The following ALDH1A2 variants were observed in gnomAD, a reference collection of about 807,000 sequenced individuals.
ALDH1A2 encodes aldehyde dehydrogenase 1 family member A2.
In ALDH1A2, 27 loss-of-function variants were observed where a neutral mutation model predicts 60.3. That is an observed-to-expected ratio of 0.45 (90% confidence interval 0.33 to 0.62). The LOEUF is 0.62. ALDH1A2 is among the 20% of genes least tolerant of loss of function. ALDH1A2 has a pLI of 0.02. For missense variants in ALDH1A2, 581 were observed against 643.8 expected (o/e 0.90, Z 1.06); for synonymous variants, 289 against 232.4 (o/e 1.24, Z -2.21).
At chr15:58,042,753 C>T (rs1260461473) in intron 1 of ALDH1A2, among the ~76,000 whole-genome samples, 1 of 151,844 alleles carries the variant, frequency 6.6e-6, no homozygotes, top group Non-Finnish European at 1.5e-5. Context: ...AGACTATGGA[C>T]GTATTTACTA....
intron 1 of ALDH1A2, among the ~76,000 whole-genome samples, chr15:58,059,730 CT>C (rs1202939579): frequency 1.4e-4 from 22 of 151,982 alleles, no homozygotes; most frequent in African/African-American, 5.1e-4. Context: ...GCTTTAGTAA[CT>C]TTTTTAGTAA....
At position 57,992,709 on chromosome 15, in the gene ALDH1A2, G is replaced by T; in HGVS notation, c.794C>A (p.Thr265Asn). The T allele has an allele frequency of 6.2e-7, 1 of 1,613,936 alleles. No homozygotes were observed. Among genetic ancestry groups the T allele is most frequent in the Non-Finnish European group, 8.5e-7 (1 of 1,179,846 alleles). The change falls in exon 7 of 13, where the codon ACT (threonine) becomes AAT (asparagine). Residue 265 changes from threonine (T) to asparagine (N), a missense_variant. Around this residue, in one of 2 missense-constraint regions of ALDH1A2, gnomAD observed 375 missense variants for 469.7 expected, o/e 0.80. Transcript: ENST00000249750. ...GIDKIAFTGS[T>N]EVGKLIQEAA... ...CCTGGTTTTTCAGATACCTACCTCAGTAGACCCTGTGAATGCAATCTTGTC... is the reference window on the plus strand; with the variant it reads ...CCTGGTTTTTCAGATACCTACCTCATTAGACCCTGTGAATGCAATCTTGTC...
chr15:58,022,908 A>G (rs1895971118), intron 1 of ALDH1A2, among the ~76,000 whole-genome samples: 1 of 152,222 alleles, frequency 6.6e-6, no homozygotes, highest in Non-Finnish European at 1.5e-5. Context: ...CAACTGTTAT[A>G]CCAGATGTGC....
At chr15:58,029,035 C>A (rs1424604124) in intron 1 of ALDH1A2, among the ~76,000 whole-genome samples, 1 of 152,140 alleles carries the variant, frequency 6.6e-6, no homozygotes, top group Non-Finnish European at 1.5e-5. Context: ...GAACTCAGCA[C>A]TGAACCAAGT....
chr15:57,975,832 G>A (rs112277653), intron 7 of ALDH1A2, among the ~76,000 whole-genome samples: 1 of 151,996 alleles, frequency 6.6e-6, no homozygotes, highest in African/African-American at 2.4e-5. Context: ...GGTGGAGAGA[G>A]AGATAAGACA....
intron 4 of ALDH1A2, among the ~76,000 whole-genome samples, chr15:58,004,350 G>C (rs1254692338): frequency 6.6e-6 from 1 of 151,738 alleles, no homozygotes; most frequent in East Asian, 1.9e-4. Flanking sequence ...AGATTCAACG[G>C]GTTTATGTGC....
chr15:58,042,456 T>C (rs1162549138), intron 1 of ALDH1A2, among the ~76,000 whole-genome samples: 2 of 151,966 alleles, frequency 1.3e-5, no homozygotes, highest in African/African-American at 4.8e-5. Flanking sequence ...GCCCAATAAA[T>C]GTTTCCTAAG....
At chr15:57,973,642 C>T (rs1479527782) in intron 7 of ALDH1A2, among the ~76,000 whole-genome samples, 1 of 152,194 alleles carries the variant, frequency 6.6e-6, no homozygotes, top group East Asian at 1.9e-4. Flanking sequence ...TCCACCACTA[C>T]TAATATGGAA....
chr15:57,979,133 CCT>C (rs1452349111), intron 7 of ALDH1A2, among the ~76,000 whole-genome samples: 1 of 152,094 alleles, frequency 6.6e-6, no homozygotes, highest in African/African-American at 2.4e-5. Flanking sequence ...CCCACTGGGC[CCT>C]GAGGCAGGTC....
chr15:57,954,386 T>C lies in ALDH1A2; in HGVS notation c.*811A>G, dbSNP rs938510519. ...CTAAGAAAAACTTTGGAAAAGATCT[T>C]ATCTAGCTATGAAAAACAACCCACT... On this transcript the variant is annotated 3_prime_UTR_variant, in exon 13 of 13. Coordinates refer to ENST00000249750, the MANE Select transcript of ALDH1A2 (RefSeq NM_003888.4). 2.6e-5 allele frequency: 4 copies of C among 152,802 alleles called. No homozygotes were observed. The highest frequency in any genetic ancestry group is 4.1e-4 in the South Asian group (2 of 4,828). The allele number at this position is 152,802 out of a possible 1,614,324, so 9.5% of individuals were successfully genotyped here.
chr15:58,020,818 T>C (rs927466360), intron 1 of ALDH1A2, among the ~76,000 whole-genome samples: 1 of 152,258 alleles, frequency 6.6e-6, no homozygotes, highest in African/African-American at 2.4e-5. Context: ...GTTTTATGTT[T>C]GTACTATGAT....
intron 7 of ALDH1A2, among the ~76,000 whole-genome samples, chr15:57,972,277 CCTT>C (rs1223720337): frequency 2.0e-5 from 3 of 152,214 alleles, no homozygotes; most frequent in Non-Finnish European, 4.4e-5. Context: ...CTTCTCCAGA[CCTT>C]CTCCTGGGAA....
chr15:57,959,801 T>G (rs1190823252), intron 12 of ALDH1A2, among the ~76,000 whole-genome samples: 1 of 152,198 alleles, frequency 6.6e-6, no homozygotes, highest in African/African-American at 2.4e-5. Context: ...ATACCTACTT[T>G]ATAGTTTTGC....
chr15:57,954,828 G>T lies in ALDH1A2; in HGVS notation c.*369C>A. On this transcript the variant is annotated 3_prime_UTR_variant, in exon 13 of 13. Transcript: ENST00000249750. ...GAGGGCCTGGAAGGAGGAAAATGAA[G>T]ACAGGAGAAAGGTCACCTTTCCTTG... 1 of 297,834 alleles carries T rather than the reference G, an allele frequency of 3.4e-6. No homozygotes were observed. The highest frequency in any genetic ancestry group is 6.5e-6 in the Non-Finnish European group (1 of 153,658). 18.4% of individuals were successfully genotyped at this position (297,834 alleles called of 1,614,324 possible). A position where few individuals can be genotyped will look rare whatever the true frequency, so the allele number is the denominator to read the frequency against.
intron 1 of ALDH1A2, among the ~76,000 whole-genome samples, chr15:58,044,582 C>T (rs1484291687): frequency 6.6e-6 from 1 of 151,970 alleles, no homozygotes; most frequent in Non-Finnish European, 1.5e-5. Context: ...CCTAATGAAA[C>T]ACTACTTAGA....
rs1379021006 is a variant in ALDH1A2 at position 57,961,867 on chromosome 15, G to A, written c.1251+145C>T. 6.8e-6 allele frequency: 8 copies of A among 1,178,348 alleles called. No homozygotes were observed. The East Asian group carries it at 1.8e-4, about 26-fold the overall frequency. 73.0% of individuals were successfully genotyped at this position (1,178,348 alleles called of 1,614,324 possible). A position where few individuals can be genotyped will look rare whatever the true frequency, so the allele number is the denominator to read the frequency against. ...TGGTTTATTTTTCTTCTTGAAACTG[G>A]AATTTTCATAGCCATGTTCATTACT... On this transcript the variant is annotated intron_variant, in intron 10 of 12. Transcript: ENST00000249750.
chr15:58,055,551 G>GAGAATATACAT (rs1896874427), intron 1 of ALDH1A2, among the ~76,000 whole-genome samples: 1 of 151,752 alleles, frequency 6.6e-6, no homozygotes, highest in Non-Finnish European at 1.5e-5. Flanking sequence ...TGAATGCTCA[G>GAGAATATACAT]AGAATATACA....
At chr15:57,984,708 G>C (rs193223330) in intron 7 of ALDH1A2, among the ~76,000 whole-genome samples, 165 of 152,304 alleles carry the variant, frequency 1.1e-3, no homozygotes, top group Non-Finnish European at 2.2e-3. Context: ...CTTTTTATGG[G>C]TGAACAGTAT....
chr15:57,982,919 A>G (rs1450417517), intron 7 of ALDH1A2, among the ~76,000 whole-genome samples: 1 of 152,154 alleles, frequency 6.6e-6, no homozygotes, highest in Non-Finnish European at 1.5e-5. Flanking sequence ...TCACCTACCA[A>G]GAGTTAACGA....
Sources: allele counts gnomAD v4.1 joint callset (sites outside exome capture counted in the v4.1 genomes callset), GRCh38; gene constraint gnomAD v4.1.1; regional missense constraint gnomAD v4.1.1; transcripts MANE v1.5; gene names NCBI Gene and HGNC (gene_info 2026-07-23, HGNC 2026-07-21).